The following FBN2 variants were observed in gnomAD, a reference collection of about 807,000 sequenced individuals.
FBN2 encodes the protein fibrillin 2.
FBN2 carries 105 observed loss-of-function variants against 355.6 expected under a neutral mutation model. The observed-to-expected ratio is 0.30, with a 90% CI of 0.25 to 0.35. FBN2 has a LOEUF of 0.35. Among genes scored for constraint, FBN2 ranks in the 10% least tolerant of loss-of-function variants. The pLI, the probability that FBN2 is intolerant of heterozygous loss-of-function variation, is 1.00. For synonymous variants in FBN2, 1,350 were observed against 1,301.2 expected, an observed-to-expected ratio of 1.04 and a Z score of -0.81; for missense variants, 3,280 against 3,758.7, an observed-to-expected ratio of 0.87 and a Z score of 3.33.
intron 4 of FBN2, 107 bp from the exon 5 acceptor site, chr5:128,519,475 T>C: frequency 1.3e-6 from 1 of 792,742 alleles, no homozygotes; most frequent in Non-Finnish European, 2.2e-6. Context: ...TTATAGTACA[T>C]TATGTTAATT....
At chr5:128,447,074 A>T (rs1754085223) in intron 6 of FBN2, among the ~76,000 whole-genome samples, 1 of 152,104 alleles carries the variant, frequency 6.6e-6, no homozygotes, top group Non-Finnish European at 1.5e-5. Context: ...GTCTGTCTTT[A>T]CTTTAATCTC....
intron 4 of FBN2, among the ~76,000 whole-genome samples, chr5:128,525,563 G>A (rs1756539063): frequency 6.6e-6 from 1 of 152,110 alleles, no homozygotes; most frequent in Admixed American, 6.6e-5. Context: ...GCCAACCCTA[G>A]CCTAGAGAAT....
At chr5:128,353,472 AT>A (rs1751422028) in intron 20 of FBN2, among the ~76,000 whole-genome samples, 1 of 152,208 alleles carries the variant, frequency 6.6e-6, no homozygotes, top group Non-Finnish European at 1.5e-5. Context: ...GTAGAGAAGC[AT>A]TTGTGTCAGG....
intron 27 of FBN2, among the ~76,000 whole-genome samples, chr5:128,337,775 G>C (rs1213444071): frequency 6.6e-6 from 1 of 152,150 alleles, no homozygotes; most frequent in African/African-American, 2.4e-5. Flanking sequence ...CACGTGGCTT[G>C]TTATAAAAAA....
At chr5:128,527,748 A>T in intron 4 of FBN2, 124 bp downstream of exon 4, 1 of 686,962 alleles carries the variant, frequency 1.5e-6, no homozygotes, top group Non-Finnish European at 2.6e-6. Flanking sequence ...TTCAGTTTTA[A>T]GGTATGGTTT....
At chr5:128,379,500 C>A (rs916579032) in intron 11 of FBN2, among the ~76,000 whole-genome samples, 2 of 151,874 alleles carry the variant, frequency 1.3e-5, no homozygotes, top group Non-Finnish European at 2.9e-5. Flanking sequence ...TCAGCAGTTT[C>A]AAGTTTCTTT....
chr5:128,276,937 C>G (rs1765408723), intron 58 of FBN2, among the ~76,000 whole-genome samples: 1 of 152,148 alleles, frequency 6.6e-6, no homozygotes, highest in South Asian at 2.1e-4. Flanking sequence ...CTTGAATTGT[C>G]CTCCTTGAAA....
chr5:128,477,742 A>T (rs1755043833), intron 5 of FBN2, among the ~76,000 whole-genome samples: 2 of 152,174 alleles, frequency 1.3e-5, no homozygotes, highest in Non-Finnish European at 2.9e-5. Context: ...TGTATCTGAC[A>T]CCAAAATCCA....
chr5:128,373,570 T>G (rs1242624233), intron 15 of FBN2, among the ~76,000 whole-genome samples: 1 of 152,222 alleles, frequency 6.6e-6, no homozygotes, highest in African/African-American at 2.4e-5. Context: ...CAAATATACT[T>G]TGAAATCCTA....
At chr5:128,393,641 G>A (rs1006684455) in intron 9 of FBN2, among the ~76,000 whole-genome samples, 8 of 152,212 alleles carry the variant, frequency 5.3e-5, no homozygotes, top group Non-Finnish European at 4.4e-5. Context: ...GCACCTAAGT[G>A]CAACTCATAA....
intron 46 of FBN2, among the ~76,000 whole-genome samples, chr5:128,301,980 T>C (rs562535314): frequency 1.3e-5 from 2 of 152,216 alleles, no homozygotes; most frequent in Non-Finnish European, 2.9e-5. Context: ...GAATTGCTGA[T>C]ATCAAACATA....
chr5:128,269,418 C>A (rs544259409), intron 62 of FBN2, among the ~76,000 whole-genome samples: 1 of 150,830 alleles, frequency 6.6e-6, no homozygotes, highest in Non-Finnish European at 1.5e-5. Context: ...GAGATCGTGC[C>A]ACTGCACTCC....
intron 7 of FBN2, among the ~76,000 whole-genome samples, chr5:128,443,925 C>G (rs1396045371): frequency 6.6e-6 from 1 of 152,036 alleles, no homozygotes; most frequent in Non-Finnish European, 1.5e-5. Flanking sequence ...TTTACAGACA[C>G]TACATTATCC....
chr5:128,403,622 A>T (rs1407970813), intron 8 of FBN2, among the ~76,000 whole-genome samples: 1 of 151,628 alleles, frequency 6.6e-6, no homozygotes, highest in Non-Finnish European at 1.5e-5. Context: ...CATGACAGTT[A>T]CTTCCAAAAT....
intron 5 of FBN2, among the ~76,000 whole-genome samples, chr5:128,476,913 T>C (rs1016917972): frequency 6.6e-6 from 1 of 152,184 alleles, no homozygotes; most frequent in Non-Finnish European, 1.5e-5. Context: ...AGTCTATGCA[T>C]AGAAAGCTTT....
chr5:128,455,858 G>A (rs951952017), intron 6 of FBN2, among the ~76,000 whole-genome samples: 2 of 151,834 alleles, frequency 1.3e-5, no homozygotes, highest in African/African-American at 2.4e-5. Flanking sequence ...ACCCTGGAAC[G>A]TACAGATTAT....
intron 5 of FBN2, among the ~76,000 whole-genome samples, chr5:128,515,997 C>A (rs1756271438): frequency 6.6e-6 from 1 of 152,090 alleles, no homozygotes; most frequent in Non-Finnish European, 1.5e-5. Context: ...AATTCCATTA[C>A]AAAAGATTTC....
At chr5:128,289,743 C>T (rs747678513) in intron 51 of FBN2, 139 bp downstream of exon 51, 21 of 628,674 alleles carry the variant, frequency 3.3e-5, no homozygotes, top group African/African-American at 3.0e-4. Flanking sequence ...GTATATGATA[C>T]AAAATAAGGG....
chr5:128,300,412 G>T (rs1426773911), intron 48 of FBN2, among the ~76,000 whole-genome samples: 3 of 152,188 alleles, frequency 2.0e-5, no homozygotes, highest in African/African-American at 4.8e-5. Flanking sequence ...CCAAGAAAAA[G>T]AATGTCTCAA....
Sources: gnomAD v4.1 joint callset for allele counts (sites outside exome capture counted in the v4.1 genomes callset) on GRCh38, gnomAD v4.1.1 for gene constraint, MANE v1.5 for transcripts, NCBI Gene and HGNC (gene_info 2026-07-23, HGNC 2026-07-21) for gene names.